Variants in ZNF385D observed in about 807,000 individuals in gnomAD.
ZNF385D encodes zinc finger protein 659.
In ZNF385D, 15 loss-of-function variants were observed where a neutral mutation model predicts 35.8. That is an observed-to-expected ratio of 0.42 (90% CI 0.28 to 0.64). ZNF385D has a LOEUF of 0.64. Ranked by LOEUF, ZNF385D falls within the 30% of genes least tolerant of loss-of-function variation. The pLI, the probability that ZNF385D is intolerant of heterozygous loss-of-function variation, is 0.23. For missense variants in ZNF385D, 474 were observed against 494.6 expected (o/e 0.96, Z 0.39); for synonymous variants, 212 against 186.8 (o/e 1.13, Z -1.10).
upstream of ZNF385D, among the ~76,000 whole-genome samples, chr3:21,751,728 T>A (rs966634989): frequency 2.6e-5 from 4 of 152,144 alleles, no homozygotes; most frequent in Non-Finnish European, 4.4e-5. Flanking sequence ...CCCAGAAAGC[T>A]AGTACTTGGT....
At chr3:21,926,381 G>A (rs1478175440) in intron 3 of ZNF385D, among the ~76,000 whole-genome samples, 1 of 152,132 alleles carries the variant, frequency 6.6e-6, no homozygotes, top group Admixed American at 6.6e-5. Context: ...AGAACATGCA[G>A]TGTTTGGTTT....
chr3:21,687,788 G>A (rs2067154499), intron 1 of ZNF385D, among the ~76,000 whole-genome samples: 1 of 152,108 alleles, frequency 6.6e-6, no homozygotes, highest in Admixed American at 6.6e-5. Flanking sequence ...AAAAACCGAT[G>A]ATTCACCAGT....
chr3:21,491,835 A>G (rs1204111317), intron 4 of ZNF385D, among the ~76,000 whole-genome samples: 1 of 152,112 alleles, frequency 6.6e-6, no homozygotes, highest in East Asian at 1.9e-4. Flanking sequence ...CTCTTTTTCT[A>G]CTTTTGACAG....
At chr3:22,209,820 C>A (rs1697399585) in intron 2 of ZNF385D, among the ~76,000 whole-genome samples, 2 of 151,514 alleles carry the variant, frequency 1.3e-5, no homozygotes, top group African/African-American at 2.4e-5. Flanking sequence ...AAAGTCAACT[C>A]AGAATATATG....
intron 2 of ZNF385D, among the ~76,000 whole-genome samples, chr3:22,320,117 T>C (rs1309529560): frequency 6.6e-6 from 1 of 151,796 alleles, no homozygotes. Flanking sequence ...GCTCTATACA[T>C]CCTCAACCTT....
chr3:21,699,693 T>C (rs989202032), intron 1 of ZNF385D, among the ~76,000 whole-genome samples: 1 of 151,974 alleles, frequency 6.6e-6, no homozygotes, highest in African/African-American at 2.4e-5. Flanking sequence ...ATAATACTTT[T>C]GATATATTAT....
Position 21,751,153 on chromosome 3 carries a change from CT to C in ZNF385D, c.-238del. Reference sequence around the variant, plus strand: ...CGGGCTGCCTGCTGCACTGCCCATCCTTACTGTAATCCGACTCCTCCTTGCG... The same window carrying C: ...CGGGCTGCCTGCTGCACTGCCCATCCTACTGTAATCCGACTCCTCCTTGCG... On this transcript the variant is annotated 5_prime_UTR_variant, in exon 1 of 8. It introduces an in-frame stop codon into an upstream open reading frame of the 5' UTR. Coordinates refer to ENST00000281523, the MANE Select transcript of ZNF385D (RefSeq NM_024697.3). The C allele has an allele frequency of 7.0e-7, 1 of 1,433,046 alleles. No individual in the cohort carries two copies. 88.8% of individuals were successfully genotyped at this position (1,433,046 alleles called of 1,614,324 possible). A position where few individuals can be genotyped will look rare whatever the true frequency, so the allele number is the denominator to read the frequency against.
chr3:22,044,816 T>C (rs949118850), intron 3 of ZNF385D, among the ~76,000 whole-genome samples: 7 of 151,970 alleles, frequency 4.6e-5, no homozygotes, highest in Non-Finnish European at 8.8e-5. Flanking sequence ...TTAAGCTAAA[T>C]GTGAGAAATG....
At chr3:21,792,830 ATTGTT>A (rs2071986230) in intron 3 of ZNF385D, among the ~76,000 whole-genome samples, 1 of 152,120 alleles carries the variant, frequency 6.6e-6, no homozygotes, top group South Asian at 2.1e-4. Flanking sequence ...GTGCCAAATG[ATTGTT>A]TTGATTTTTT....
At chr3:22,118,747 G>A (rs902004344) in intron 3 of ZNF385D, among the ~76,000 whole-genome samples, 3 of 152,014 alleles carry the variant, frequency 2.0e-5, no homozygotes, top group Non-Finnish European at 4.4e-5. Flanking sequence ...CACCTCTTCT[G>A]TTAACAGTCA....
intron 3 of ZNF385D, among the ~76,000 whole-genome samples, chr3:22,115,509 G>C (rs1702760253): frequency 6.6e-6 from 1 of 151,936 alleles, no homozygotes; most frequent in African/African-American, 2.4e-5. Context: ...GAAAGAAAAT[G>C]GTCATTTTCA....
chr3:21,916,454 C>G (rs544021068), intron 3 of ZNF385D, among the ~76,000 whole-genome samples: 1 of 152,030 alleles, frequency 6.6e-6, no homozygotes, highest in Admixed American at 6.6e-5. Flanking sequence ...TAATCTGCAC[C>G]CAATTAATAC....
At chr3:21,778,291 A>T (rs531842299) in intron 3 of ZNF385D, among the ~76,000 whole-genome samples, 6 of 151,988 alleles carry the variant, frequency 3.9e-5, no homozygotes, top group Middle Eastern at 3.4e-3. Context: ...AACATTTCTC[A>T]CCACAAACAC....
chr3:21,855,736 T>A (rs1265690223), intron 3 of ZNF385D, among the ~76,000 whole-genome samples: 2 of 152,034 alleles, frequency 1.3e-5, no homozygotes, highest in Non-Finnish European at 2.9e-5. Flanking sequence ...GATATTAAAG[T>A]AAATTTAAAG....
chr3:22,083,289 C>CT (rs148957885), intron 3 of ZNF385D, among the ~76,000 whole-genome samples: 20,998 of 152,130 alleles, frequency 0.14, 1,545 homozygotes, highest in African/African-American at 0.19. Flanking sequence ...CTTCTCCGAG[C>CT]TAAAGGAGGA....
chr3:22,216,875 T>G (rs1010940635), intron 2 of ZNF385D, among the ~76,000 whole-genome samples: 5 of 152,160 alleles, frequency 3.3e-5, no homozygotes, highest in Non-Finnish European at 7.4e-5. Context: ...TTCTTCATTT[T>G]ATTTTGCCTT....
chr3:21,687,679 A>G (rs1039630683), intron 1 of ZNF385D, among the ~76,000 whole-genome samples: 2 of 152,168 alleles, frequency 1.3e-5, no homozygotes, highest in Non-Finnish European at 2.9e-5. Context: ...TATATATAGT[A>G]TCATAAAGAA....
intron 3 of ZNF385D, among the ~76,000 whole-genome samples, chr3:21,913,498 A>ATC (rs1417064655): frequency 5.3e-5 from 8 of 152,152 alleles, no homozygotes; most frequent in African/African-American, 1.9e-4. Context: ...TATTATGCTC[A>ATC]TCCTTACAGT....
chr3:21,600,437 C>T (rs954923822), intron 2 of ZNF385D, among the ~76,000 whole-genome samples: 1 of 152,080 alleles, frequency 6.6e-6, no homozygotes, highest in African/African-American at 2.4e-5. Context: ...AAAGGTTAAA[C>T]GATGCCTCTC....
Sources: allele counts gnomAD v4.1 joint callset (sites outside exome capture counted in the v4.1 genomes callset), GRCh38; gene constraint gnomAD v4.1.1; transcripts MANE v1.5; gene names NCBI Gene and HGNC (gene_info 2026-07-23, HGNC 2026-07-21).